The following ESR1 variants were observed in gnomAD, a reference collection of about 807,000 sequenced individuals.
ESR1 encodes the protein estrogen receptor.
In ESR1, 12 loss-of-function variants were observed where a neutral mutation model predicts 52.7. The observed-to-expected ratio is 0.23, with a 90% confidence interval of 0.15 to 0.37. The LOEUF (loss-of-function observed/expected upper bound fraction) is 0.37. ESR1 is among the 10% of genes least tolerant of loss of function. The pLI is 1.00. For missense variants in ESR1, 584 were observed against 779.7 expected (o/e 0.75, Z 2.99); for synonymous variants, 305 against 316.8 (o/e 0.96, Z 0.39).
Position 151,831,168 on chromosome 6 carries a change from G to T in ESR1, c.453-11429G>T, listed in dbSNP as rs111412709. 4.9e-4 allele frequency among the ~76,000 whole-genome samples: 73 copies of T among 148,392 alleles called. 1 individual carries two copies. Among genetic ancestry groups the T allele is most frequent in the African/African-American group, 1.6e-3 (64 of 39,852 alleles). On this transcript the variant is annotated intron_variant, in intron 1 of 7. Transcript: ENST00000206249. Reference sequence around the variant, plus strand: ...TTTCTTTTTTTTTTTTTTGAGACAGGTTCTCTCTCTGTCACCCATGCTGGA... The same window carrying T: ...TTTCTTTTTTTTTTTTTTGAGACAGTTTCTCTCTCTGTCACCCATGCTGGA...
At chr6:151,728,623 C>A (rs1452931653) in intron 2 of ESR1, among the ~76,000 whole-genome samples, 1 of 152,170 alleles carries the variant, frequency 6.6e-6, no homozygotes, top group Non-Finnish European at 1.5e-5. Context: ...TGTATGTATA[C>A]AACCATTAAA....
chr6:151,815,264 G>T (rs1306236731), intron 1 of ESR1, among the ~76,000 whole-genome samples: 1 of 152,208 alleles, frequency 6.6e-6, no homozygotes, highest in Non-Finnish European at 1.5e-5. Flanking sequence ...ATTTGCGTAT[G>T]AGATAAAATT....
chr6:151,667,056 A>G (rs1777854282), intron 1 of ESR1, among the ~76,000 whole-genome samples: 1 of 152,164 alleles, frequency 6.6e-6, no homozygotes, highest in African/African-American at 2.4e-5. Context: ...AGCTAGAGTC[A>G]AAAACAGAGT....
At position 151,873,411 on chromosome 6, in the gene ESR1, G is replaced by A. The variant is rs148145158; in HGVS notation, c.644-7244G>A. Among the ~76,000 whole-genome samples the A allele has an allele frequency of 5.9e-5, 9 of 152,164 alleles. No homozygotes were observed. In the East Asian group the frequency reaches 7.7e-4, roughly 13 times the overall value. ...GTGATGTTCAGTACCTAGAAGACTC[G>A]GTTTCCTTGGTAGAGAGAATATTTG... is the stretch of plus-strand genomic sequence containing the variant. On this transcript the variant is annotated intron_variant, in intron 2 of 7. Coordinates refer to ENST00000206249, the MANE Select transcript of ESR1 (RefSeq NM_000125.4).
intron 2 of ESR1, among the ~76,000 whole-genome samples, chr6:151,744,611 A>T (rs1783347746): frequency 6.6e-6 from 1 of 152,232 alleles, no homozygotes; most frequent in South Asian, 2.1e-4. Flanking sequence ...TATTCTGGAT[A>T]GTAGACCCTT....
chr6:151,788,864 A>ACAG (rs1787261836), intron 2 of ESR1, among the ~76,000 whole-genome samples: 1 of 152,218 alleles, frequency 6.6e-6, no homozygotes, highest in Non-Finnish European at 1.5e-5. Flanking sequence ...AGAAAACCTA[A>ACAG]TACTGCATGT....
intron 4 of ESR1, among the ~76,000 whole-genome samples, chr6:151,956,854 A>T (rs2037018949): frequency 1.2e-5 from 1 of 81,126 alleles, no homozygotes; most frequent in South Asian, 3.3e-4. Context: ...ATATATATAT[A>T]TATATATAAA....
intron 5 of ESR1, among the ~76,000 whole-genome samples, chr6:152,028,367 C>G (rs1176043185): frequency 2.0e-5 from 3 of 152,192 alleles, no homozygotes; most frequent in Non-Finnish European, 4.4e-5. Context: ...CTGGGAAGTG[C>G]AAGGGGTCAG....
chr6:152,060,793 A>T (rs997375536), intron 5 of ESR1, among the ~76,000 whole-genome samples, 198 bp from the exon 6 acceptor site: 1 of 152,148 alleles, frequency 6.6e-6, no homozygotes, highest in Non-Finnish European at 1.5e-5. Context: ...TGTTTTATTG[A>T]TGGGAAATTA....
intron 2 of ESR1, among the ~76,000 whole-genome samples, chr6:151,794,937 C>T (rs577055102): frequency 6.6e-6 from 1 of 152,158 alleles, no homozygotes; most frequent in Non-Finnish European, 1.5e-5. Flanking sequence ...TTGGGCCACA[C>T]AATTCTGACC....
At chr6:151,725,215 C>T (rs185277056) in intron 2 of ESR1, among the ~76,000 whole-genome samples, 78 of 152,146 alleles carry the variant, frequency 5.1e-4, no homozygotes, top group African/African-American at 1.8e-3. Flanking sequence ...CCCCCCAGGG[C>T]GGTTTAGTAT....
intron 5 of ESR1, among the ~76,000 whole-genome samples, chr6:152,052,265 A>AC (rs1402293429): frequency 6.6e-6 from 1 of 152,004 alleles, no homozygotes; most frequent in Non-Finnish European, 1.5e-5. Flanking sequence ...CACCCCGAAC[A>AC]CCTCCCACCA....
intron 4 of ESR1, among the ~76,000 whole-genome samples, chr6:151,981,941 C>G (rs1043681484): frequency 6.6e-6 from 1 of 152,180 alleles, no homozygotes; most frequent in African/African-American, 2.4e-5. Flanking sequence ...TTCTGCTGTG[C>G]GTCTAGACAA....
chr6:151,899,524 G>A (rs1161691450), intron 3 of ESR1, among the ~76,000 whole-genome samples: 7 of 142,160 alleles, frequency 4.9e-5, no homozygotes, highest in Admixed American at 3.4e-4. Flanking sequence ...CCGGGCGGGG[G>A]GCTGACCCCC....
intron 1 of ESR1, among the ~76,000 whole-genome samples, chr6:151,672,534 G>A (rs1302692997): frequency 3.3e-5 from 5 of 151,028 alleles, no homozygotes; most frequent in South Asian, 2.1e-4. Flanking sequence ...TCGGGGTTTC[G>A]CCATGTTGGC....
intron 6 of ESR1, among the ~76,000 whole-genome samples, chr6:152,114,153 T>C (rs1461255810): frequency 6.6e-6 from 1 of 152,052 alleles, no homozygotes; most frequent in Non-Finnish European, 1.5e-5. Context: ...GGAACAGATT[T>C]CAACGCAGAA....
At chr6:151,662,698 C>T (rs138567362) in intron 1 of ESR1, among the ~76,000 whole-genome samples, 7 of 152,274 alleles carry the variant, frequency 4.6e-5, no homozygotes, top group East Asian at 1.9e-4. Flanking sequence ...AGGTTCTGCC[C>T]GTCTTTCTGA....
At chr6:151,853,480 T>G (rs1583688471) in intron 2 of ESR1, among the ~76,000 whole-genome samples, 1 of 152,286 alleles carries the variant, frequency 6.6e-6, no homozygotes, top group South Asian at 2.1e-4. Context: ...TCACAGCCTT[T>G]CAACCTGTGA....
intron 3 of ESR1, among the ~76,000 whole-genome samples, chr6:151,938,613 C>T (rs1229977632): frequency 2.0e-5 from 3 of 152,176 alleles, no homozygotes; most frequent in Non-Finnish European, 2.9e-5. Flanking sequence ...TAGGGCTCAC[C>T]TCCCCTGGAG....
Sources: allele counts gnomAD v4.1 joint callset (sites outside exome capture counted in the v4.1 genomes callset), GRCh38; gene constraint gnomAD v4.1.1; transcripts MANE v1.5; gene names NCBI Gene and HGNC (gene_info 2026-07-23, HGNC 2026-07-21).